The following CACNA2D3 variants were observed in gnomAD, a reference collection of about 807,000 sequenced individuals.
CACNA2D3 encodes calcium voltage-gated channel auxiliary subunit alpha2delta 3, also known as voltage-dependent calcium channel subunit alpha-2/delta-3.
A neutral mutation model predicts 160.6 loss-of-function variants in CACNA2D3; 60 were observed. The observed-to-expected ratio is 0.37, with a 90% CI of 0.30 to 0.46. CACNA2D3 has a LOEUF of 0.46. CACNA2D3 is among the 20% of genes least tolerant of loss of function. CACNA2D3 has a pLI of 1.00. For missense variants in CACNA2D3, 1,205 were observed against 1,365.0 expected (o/e 0.88, Z 1.85); for synonymous variants, 558 against 492.9 (o/e 1.13, Z -1.75).
At chr3:54,423,199 G>A (rs1266710386) in intron 4 of CACNA2D3, among the ~76,000 whole-genome samples, 1 of 152,198 alleles carries the variant, frequency 6.6e-6, no homozygotes, top group African/African-American at 2.4e-5. Flanking sequence ...GGAGTTAGCA[G>A]TGGGATCAAA....
intron 5 of CACNA2D3, among the ~76,000 whole-genome samples, chr3:54,541,113 T>C (rs1701968064): frequency 6.6e-6 from 1 of 151,134 alleles, no homozygotes; most frequent in Non-Finnish European, 1.5e-5. Context: ...CCATCTCTAC[T>C]AAAAATACAA....
intron 2 of CACNA2D3, among the ~76,000 whole-genome samples, chr3:54,137,082 G>A (rs752398389): frequency 6.6e-6 from 1 of 152,152 alleles, no homozygotes; most frequent in African/African-American, 2.4e-5. Flanking sequence ...ATCCGTGTGC[G>A]TGGAGGCTGT....
intron 29 of CACNA2D3, among the ~76,000 whole-genome samples, chr3:54,982,882 G>T (rs116741988): frequency 0.025 from 3,738 of 152,156 alleles, 158 homozygotes; most frequent in African/African-American, 0.086. Context: ...CGCCACTTTG[G>T]TTTTGGTGGG....
chr3:54,265,242 A>G, intron 2 of CACNA2D3, among the ~76,000 whole-genome samples: 1 of 152,196 alleles, frequency 6.6e-6, no homozygotes, highest in South Asian at 2.1e-4. Flanking sequence ...CCTCTCCAGC[A>G]TCTGTTGTTT....
chr3:54,285,833 C>G (rs991124879), intron 2 of CACNA2D3, among the ~76,000 whole-genome samples: 1 of 152,230 alleles, frequency 6.6e-6, no homozygotes, highest in African/African-American at 2.4e-5. Flanking sequence ...TGGAGTGGAC[C>G]TCTAGCACAC....
At chr3:54,976,492 TAAAAAA>T (rs1337727951) in intron 29 of CACNA2D3, among the ~76,000 whole-genome samples, 1 of 151,896 alleles carries the variant, frequency 6.6e-6, no homozygotes, top group Non-Finnish European at 1.5e-5. Flanking sequence ...TAATAATAAT[TAAAAAA>T]AGACAACATC....
At chr3:54,673,365 C>CTTTA (rs1251214172) in intron 11 of CACNA2D3, among the ~76,000 whole-genome samples, 1 of 152,176 alleles carries the variant, frequency 6.6e-6, no homozygotes. Flanking sequence ...TTCTCAGCAC[C>CTTTA]TTTAGTGTGC....
chr3:54,612,359 T>G (rs1559526340), intron 9 of CACNA2D3, among the ~76,000 whole-genome samples: 1 of 152,194 alleles, frequency 6.6e-6, no homozygotes. Flanking sequence ...TAATCATTTT[T>G]TTTAGACTCA....
chr3:54,503,574 C>T lies in CACNA2D3; in HGVS notation c.464C>T (p.Ala155Val). The T allele has an allele frequency of 3.7e-6, 6 of 1,613,426 alleles. No individual in the cohort carries two copies. The highest frequency in any genetic ancestry group is 5.1e-6 in the Non-Finnish European group (6 of 1,179,406). The change falls in exon 5 of 38, where the codon GCC becomes GTC. Residue 155 changes from alanine (A) to valine (V), a missense_variant. By Grantham distance (64) the Ala-to-Val change is moderately conservative. Around this residue, in one of 3 missense-constraint regions of CACNA2D3, gnomAD observed 131 missense variants for 201.5 expected, o/e 0.65. Transcript: ENST00000474759. Reference protein sequence around the residue: ...FLELGKEFILAPNDHFNNLPV... With the variant: ...FLELGKEFILVPNDHFNNLPV... ...GAGCTGGGAAAGGAATTCATCTTAG[C>T]CCCAAATGACCATTTTAATAATTTG...
chr3:54,155,826 C>A (rs1700234561), intron 2 of CACNA2D3, among the ~76,000 whole-genome samples: 1 of 152,200 alleles, frequency 6.6e-6, no homozygotes, highest in Admixed American at 6.5e-5. Flanking sequence ...AGCAGGGCAA[C>A]TTCCCAGAAC....
At chr3:54,803,598 T>C (rs979351105) in intron 13 of CACNA2D3, among the ~76,000 whole-genome samples, 18 of 152,258 alleles carry the variant, frequency 1.2e-4, no homozygotes, top group Middle Eastern at 6.8e-3. Context: ...CTGAAAGTGA[T>C]GTGGAGAATG....
chr3:54,293,849 C>T (rs55826679), intron 2 of CACNA2D3, among the ~76,000 whole-genome samples: 31,384 of 151,960 alleles, frequency 0.21, 3,384 homozygotes, highest in East Asian at 0.25. Flanking sequence ...AGTGATGAAA[C>T]GGTTCTGCAT....
At chr3:54,665,763 A>G (rs986933209) in intron 11 of CACNA2D3, among the ~76,000 whole-genome samples, 2 of 151,590 alleles carry the variant, frequency 1.3e-5, no homozygotes, top group Non-Finnish European at 2.9e-5. Context: ...GGGTGGGTAC[A>G]TGGATGGGTG....
intron 35 of CACNA2D3, among the ~76,000 whole-genome samples, chr3:55,069,232 T>C (rs930131052): frequency 6.6e-6 from 1 of 152,320 alleles, no homozygotes; most frequent in Admixed American, 6.5e-5. Flanking sequence ...CAGACTATTC[T>C]CTATATTTAC....
rs144515692 is a variant in CACNA2D3 at position 54,457,781 on chromosome 3, A to G, written c.382-45711A>G. Reference sequence around the variant, plus strand: ...GTGCTCTGGTGTTGGGTACATATATATTTACAATTTTTATATCCTCTCACT... The same window carrying G: ...GTGCTCTGGTGTTGGGTACATATATGTTTACAATTTTTATATCCTCTCACT... On this transcript the variant is annotated intron_variant, in intron 4 of 37. Coordinates refer to ENST00000474759, the MANE Select transcript of CACNA2D3 (RefSeq NM_018398.3). Among the ~76,000 whole-genome samples, 784 of 152,162 alleles carry G rather than the reference A, an allele frequency of 5.2e-3. 4 individuals carry two copies. The highest frequency in any genetic ancestry group is 0.018 in the African/African-American group (759 of 41,540).
chr3:55,056,499 G>A (rs772744108), intron 35 of CACNA2D3, among the ~76,000 whole-genome samples: 3 of 152,152 alleles, frequency 2.0e-5, no homozygotes, highest in Non-Finnish European at 4.4e-5. Context: ...AGAGATATCT[G>A]CACTCCCATC....
chr3:54,203,744 G>A (rs1386028227), intron 2 of CACNA2D3, among the ~76,000 whole-genome samples: 1 of 152,020 alleles, frequency 6.6e-6, no homozygotes, highest in Non-Finnish European at 1.5e-5. Context: ...TCGGTGTGCT[G>A]TTCTGCCGAC....
intron 11 of CACNA2D3, among the ~76,000 whole-genome samples, chr3:54,694,058 C>G (rs1700616642): frequency 6.6e-6 from 1 of 152,202 alleles, no homozygotes; most frequent in African/African-American, 2.4e-5. Context: ...CCTTCACATT[C>G]ACTCACCGCT....
intron 29 of CACNA2D3, among the ~76,000 whole-genome samples, chr3:54,976,251 G>A (rs1363420234): frequency 6.8e-6 from 1 of 148,114 alleles, no homozygotes; most frequent in African/African-American, 2.5e-5. Flanking sequence ...ATGGACTCAA[G>A]TCTCACTTGT....
Sources: allele counts gnomAD v4.1 joint callset (sites outside exome capture counted in the v4.1 genomes callset), GRCh38; gene constraint gnomAD v4.1.1; regional missense constraint gnomAD v4.1.1; transcripts MANE v1.5; gene names NCBI Gene and HGNC (gene_info 2026-07-23, HGNC 2026-07-21).